OSBPL5: variants seen among roughly 807,000 people sequenced by gnomAD.
OSBPL5 encodes the protein oxysterol binding protein like 5.
A neutral mutation model predicts 111.2 loss-of-function variants in OSBPL5; 71 were observed. That is an observed-to-expected ratio of 0.64 (90% confidence interval 0.53 to 0.78). The LOEUF is 0.78. Among genes scored for constraint, OSBPL5 ranks in the 30% least tolerant of loss-of-function variants. OSBPL5 has a pLI of 0.00. For synonymous variants in OSBPL5, 549 were observed against 513.9 expected (o/e 1.07, Z -0.93); for missense variants, 1,210 against 1,189.3 (o/e 1.02, Z -0.26).
At chr11:3,139,537 G>A (rs1846045512) in intron 1 of OSBPL5, among the ~76,000 whole-genome samples, 2 of 152,188 alleles carry the variant, frequency 1.3e-5, no homozygotes, top group Admixed American at 1.3e-4. Flanking sequence ...AGTGAGCAGG[G>A]GGCTTTAATC....
rs890701432 is a variant in OSBPL5 at position 3,154,659 on chromosome 11, C to CG, written c.-22+10556dup. Among the ~76,000 whole-genome samples the CG allele has an allele frequency of 3.3e-5, 5 of 152,078 alleles. No individual in the cohort carries two copies. The highest frequency in any genetic ancestry group is 5.9e-5 in the Non-Finnish European group (4 of 68,002). On this transcript the variant is annotated intron_variant, in intron 1 of 21. Transcript: ENST00000263650. This position sits in a 1 kb window ranked among gnomAD's most constrained non-coding sequence, Gnocchi z 4.9. ...CCCACTGACGAGACGCCTGGCAGTG[C>CG]GGGGGCCCCAGGGTTAGTCTGACTG...
intron 15 of OSBPL5, 76 bp downstream of exon 15, chr11:3,094,161 G>C: frequency 7.1e-7 from 1 of 1,400,260 alleles, no homozygotes; most frequent in Non-Finnish European, 9.9e-7. Context: ...TTGGGGCCTG[G>C]GGAGAGTGTG....
intron 21 of OSBPL5, among the ~76,000 whole-genome samples, chr11:3,089,105 T>C (rs1228331913): frequency 1.3e-5 from 2 of 152,232 alleles, no homozygotes; most frequent in Admixed American, 6.5e-5. Flanking sequence ...CCTGCTTCTC[T>C]GCCCACACAG....
chr11:3,094,364 C>T (rs772571102), intron 14 of OSBPL5, 30 bp from the exon 15 acceptor site: 48 of 1,583,248 alleles, frequency 3.0e-5, no homozygotes, highest in African/African-American at 8.1e-5. Context: ...AGGGGCCAGG[C>T]GGCCCCAGCC....
chr11:3,148,926 G>A (rs146176091), intron 1 of OSBPL5, among the ~76,000 whole-genome samples: 3 of 152,354 alleles, frequency 2.0e-5, no homozygotes, highest in East Asian at 1.9e-4. Context: ...TGGAGAATTC[G>A]CAGAGGAGCT....
At chr11:3,143,046 A>G (rs1846184990) in intron 1 of OSBPL5, among the ~76,000 whole-genome samples, 1 of 56,666 alleles carries the variant, frequency 1.8e-5, no homozygotes, top group Non-Finnish European at 3.6e-5. Context: ...GGGGCAGAGG[A>G]GGCAGGTGCG....
chr11:3,101,422 C>T (rs1018004332), intron 13 of OSBPL5, among the ~76,000 whole-genome samples, 181 bp downstream of exon 13: 3 of 152,136 alleles, frequency 2.0e-5, no homozygotes, highest in East Asian at 1.9e-4. Context: ...CGGGGAGCTG[C>T]GGGCAGCTCT....
At chr11:3,137,025 C>G (rs1018860153) in intron 1 of OSBPL5, among the ~76,000 whole-genome samples, 3 of 152,172 alleles carry the variant, frequency 2.0e-5, no homozygotes, top group Non-Finnish European at 4.4e-5. Context: ...GTCAGTGGGT[C>G]CCAAGGAAGG....
At position 3,140,484 on chromosome 11, in the gene OSBPL5, A is replaced by G. The variant is rs12276366; in HGVS notation, c.-21-11315T>C. 0.13 allele frequency among the ~76,000 whole-genome samples: 20,398 copies of G among 152,086 alleles called. 1,379 individuals carry two copies. The highest frequency in any genetic ancestry group is 0.19 in the East Asian group (981 of 5,142). ...CTCAGGGGTCCCAGTCTGAGGGGGAACACAAGGCCTTGACCTGGTAGCCCA... is the reference window on the plus strand; with the variant it reads ...CTCAGGGGTCCCAGTCTGAGGGGGAGCACAAGGCCTTGACCTGGTAGCCCA... On this transcript the variant is annotated intron_variant, in intron 1 of 21. Transcript: ENST00000263650. This position sits in a 1 kb window ranked among gnomAD's most constrained non-coding sequence, Gnocchi z 4.5.
At chr11:3,117,679 C>T (rs776516098) in intron 7 of OSBPL5, among the ~76,000 whole-genome samples, 4 of 152,200 alleles carry the variant, frequency 2.6e-5, no homozygotes, top group Admixed American at 6.5e-5. Flanking sequence ...ATTTTCTGCA[C>T]TTTGGATGAA....
intron 21 of OSBPL5, 22 bp from the exon 22 acceptor site, chr11:3,088,365 C>A (rs751307034): frequency 6.6e-7 from 1 of 1,519,434 alleles, no homozygotes; most frequent in Non-Finnish European, 8.8e-7. Context: ...GGCGACAGAT[C>A]GTGGGGGCTG....
At chr11:3,094,403 C>G (rs114165059) in intron 14 of OSBPL5, 69 bp from the exon 15 acceptor site, 17 of 1,266,278 alleles carry the variant, frequency 1.3e-5, no homozygotes, top group African/African-American at 3.2e-5. Flanking sequence ...TGCTGAGTAC[C>G]GACCCAGCAG....
chr11:3,133,747 T>C (rs1845874269), intron 1 of OSBPL5, among the ~76,000 whole-genome samples: 1 of 152,220 alleles, frequency 6.6e-6, no homozygotes, highest in Admixed American at 6.5e-5. Flanking sequence ...GAAGTCCAAG[T>C]GCAGGAGGGG....
chr11:3,121,103 C>G lies in OSBPL5; in HGVS notation c.403-479G>C, dbSNP rs1222401239. Among the ~76,000 whole-genome samples, 1 of 146,380 alleles carries G rather than the reference C, an allele frequency of 6.8e-6. No homozygotes were observed. The highest frequency in any genetic ancestry group is 2.6e-5 in the African/African-American group (1 of 38,856). On this transcript the variant is annotated intron_variant, in intron 5 of 21. Coordinates refer to ENST00000263650, the MANE Select transcript of OSBPL5 (RefSeq NM_020896.4). This position sits in a 1 kb window ranked among gnomAD's most constrained non-coding sequence, Gnocchi z 4.3. Reference sequence around the variant, plus strand: ...TGAGACAGAGTCTCTGTTGCCCAGGCTGGAGGTGCAGTGGTGCTATCTTGG... The same window carrying G: ...TGAGACAGAGTCTCTGTTGCCCAGGGTGGAGGTGCAGTGGTGCTATCTTGG...
At chr11:3,156,703 G>T (rs147504509) in intron 1 of OSBPL5, among the ~76,000 whole-genome samples, 1 of 152,348 alleles carries the variant, frequency 6.6e-6, no homozygotes, top group Non-Finnish European at 1.5e-5. Context: ...CATTCATTAT[G>T]CATAAGCGTT....
intron 1 of OSBPL5, among the ~76,000 whole-genome samples, chr11:3,158,712 A>G (rs7102375): frequency 0.13 from 19,514 of 152,278 alleles, 1,295 homozygotes; most frequent in African/African-American, 0.15. Flanking sequence ...GACGAGAAAG[A>G]TTTCCAATCA....
intron 14 of OSBPL5, among the ~76,000 whole-genome samples, chr11:3,098,574 C>T (rs1297679749): frequency 7.6e-6 from 1 of 132,316 alleles, no homozygotes; most frequent in Non-Finnish European, 1.5e-5. Flanking sequence ...GACATGATCT[C>T]AGCTCACTGC....
chr11:3,093,612 A>G lies in OSBPL5; in HGVS notation c.1861T>C (p.Trp621Arg). 1 of 1,613,060 alleles carries G rather than the reference A, an allele frequency of 6.2e-7. No individual in the cohort carries two copies. Among genetic ancestry groups the G allele is most frequent in the Middle Eastern group, 1.7e-4 (1 of 6,060 alleles). Reference protein sequence around the residue: ...EEGSGSSALFWTPSGEVRRQR... With the variant: ...EEGSGSSALFRTPSGEVRRQR... ...CTGCGGACCTCCCCGCTCGGGGTCC[A>G]GAAAAGCGCACTGCTTCCGCTCCCT... The change falls in exon 17 of 22, where the codon TGG becomes CGG. Residue 621 changes from tryptophan to arginine, a missense_variant. Physicochemically the swap from Trp to Arg is moderately radical, Grantham distance 101. Transcript: ENST00000263650.
chr11:3,163,468 G>A (rs1425084484), intron 1 of OSBPL5, among the ~76,000 whole-genome samples: 1 of 146,482 alleles, frequency 6.8e-6, no homozygotes, highest in Non-Finnish European at 1.5e-5. Context: ...CAGGATCTCA[G>A]GAGAGAAACT....
Sources: gnomAD v4.1 joint callset for allele counts (sites outside exome capture counted in the v4.1 genomes callset) on GRCh38, gnomAD v4.1.1 for gene constraint, Gnocchi (gnomAD v3.1) non-coding constraint, MANE v1.5 for transcripts, NCBI Gene and HGNC (gene_info 2026-07-23, HGNC 2026-07-21) for gene names.